Variants in STOX2 observed in about 807,000 individuals in gnomAD.
STOX2 encodes storkhead-box protein 2.
Under a neutral mutation model 60.9 loss-of-function variants are expected in STOX2, and 28 were observed. The ratio of observed to expected loss-of-function variants is 0.46; its 90% CI spans 0.34 to 0.63. The LOEUF (loss-of-function observed/expected upper bound fraction) is 0.63, where lower values mean the gene tolerates loss of function less well. Ranked by LOEUF, STOX2 falls within the 30% of genes least tolerant of loss-of-function variation. The pLI is 0.01. For missense variants in STOX2, 1,024 were observed against 1,187.7 expected (o/e 0.86, Z 2.03); for synonymous variants, 472 against 463.9 (o/e 1.02, Z -0.22).
chr4:183,798,194 G>C, intron 1 of STOX2: 8 of 819,984 alleles, frequency 9.8e-6, no homozygotes, highest in Non-Finnish European at 1.3e-5. Flanking sequence ...TCCCTGCCGG[G>C]GGAGGAGCCG....
At chr4:183,847,439 T>C (rs539265144) in intron 1 of STOX2, among the ~76,000 whole-genome samples, 55 of 152,342 alleles carry the variant, frequency 3.6e-4, no homozygotes, top group Non-Finnish European at 6.0e-4. Context: ...CAAATGTTTA[T>C]TGGGTAGTCA....
At chr4:183,951,058 A>G (rs965980064) in intron 1 of STOX2, among the ~76,000 whole-genome samples, 4 of 151,722 alleles carry the variant, frequency 2.6e-5, no homozygotes, top group African/African-American at 9.7e-5. Flanking sequence ...TACTAAAAAT[A>G]CAAAAAAATT....
At chr4:184,007,015 C>CAAAAAAA (rs61393267) in intron 2 of STOX2, among the ~76,000 whole-genome samples, 9 of 52,776 alleles carry the variant, frequency 1.7e-4, no homozygotes, top group African/African-American at 6.8e-4. Context: ...GACTCTGTCT[C>CAAAAAAA]AAAAAAAAAA....
At chr4:183,864,085 CCTAGAGTT>C (rs1195590762) in intron 1 of STOX2, among the ~76,000 whole-genome samples, 2 of 152,004 alleles carry the variant, frequency 1.3e-5, no homozygotes, top group Non-Finnish European at 2.9e-5. Flanking sequence ...GTCTGTATTG[CCTAGAGTT>C]CTGCATTTCC....
chr4:183,992,178 A>G (rs1456117940), intron 1 of STOX2, among the ~76,000 whole-genome samples: 1 of 152,216 alleles, frequency 6.6e-6, no homozygotes, highest in African/African-American at 2.4e-5. Context: ...GGTTGGTAGC[A>G]GTCAATCGGT....
rs570934834 is a variant in STOX2 at position 183,918,032 on chromosome 4, G to C, written c.166+11076G>C. ...AAGAACCTAATACATCTTTGCTACT[G>C]TTATTTCTTTTGGAACAGAACTATA... On this transcript the variant is annotated intron_variant, in intron 1 of 3. Transcript: ENST00000308497. 3.9e-5 allele frequency among the ~76,000 whole-genome samples: 6 copies of C among 152,298 alleles called. 1 individual carries two copies. The South Asian group carries it at 1.2e-3, about 32-fold the overall frequency.
At chr4:183,900,562 G>A (rs192310112), upstream of STOX2, among the ~76,000 whole-genome samples, 380 of 152,242 alleles carry the variant, frequency 2.5e-3, 1 homozygote, top group African/African-American at 8.6e-3. Flanking sequence ...TGAATGTTCC[G>A]TATACTAGAG....
rs568182210 is a variant in STOX2 at position 183,972,112 on chromosome 4, G to A, written c.167-29213G>A. Among the ~76,000 whole-genome samples the A allele has an allele frequency of 3.3e-5, 5 of 152,316 alleles. No homozygotes were observed. In the South Asian group the frequency reaches 1.0e-3, roughly 32 times the overall value. Reference sequence around the variant, plus strand: ...TCATTCTCTCCCTTCCCAACCCATAGCCAGTCCTGCACAGCGGCGTAGGGC... The same window carrying A: ...TCATTCTCTCCCTTCCCAACCCATAACCAGTCCTGCACAGCGGCGTAGGGC... On this transcript the variant is annotated intron_variant, in intron 1 of 3. Transcript: ENST00000308497.
intron 1 of STOX2, among the ~76,000 whole-genome samples, chr4:183,980,201 A>G (rs1732601009): frequency 6.6e-6 from 1 of 152,162 alleles, no homozygotes; most frequent in African/African-American, 2.4e-5. Context: ...TCCAACTTCC[A>G]TGAGGTGATA....
At chr4:183,947,491 A>G (rs970692059) in intron 1 of STOX2, among the ~76,000 whole-genome samples, 3 of 151,690 alleles carry the variant, frequency 2.0e-5, no homozygotes, top group African/African-American at 7.3e-5. Context: ...TCTACACAGA[A>G]CTCCACTTTT....
intron 1 of STOX2, among the ~76,000 whole-genome samples, chr4:183,845,931 T>C (rs1173606956): frequency 6.6e-6 from 1 of 152,254 alleles, no homozygotes; most frequent in Non-Finnish European, 1.5e-5. Context: ...TCTTCGTGCA[T>C]ATTGAATTAT....
chr4:183,995,400 A>T (rs1158541093), intron 1 of STOX2, among the ~76,000 whole-genome samples: 1 of 145,002 alleles, frequency 6.9e-6, no homozygotes, highest in African/African-American at 2.6e-5. Flanking sequence ...AGGCATTCAG[A>T]TATTTCTTGA....
At chr4:183,951,595 C>G (rs953777081) in intron 1 of STOX2, among the ~76,000 whole-genome samples, 1 of 150,846 alleles carries the variant, frequency 6.6e-6, no homozygotes. Flanking sequence ...GGATTACAGG[C>G]GTGAGCCGCT....
intron 1 of STOX2, among the ~76,000 whole-genome samples, chr4:183,911,911 G>A (rs923469498): frequency 6.6e-6 from 1 of 152,304 alleles, no homozygotes; most frequent in Admixed American, 6.5e-5. Flanking sequence ...CTTCTAGTTT[G>A]TGAGAGTATA....
chr4:183,936,490 G>A (rs1742596247), intron 1 of STOX2, among the ~76,000 whole-genome samples: 2 of 151,268 alleles, frequency 1.3e-5, no homozygotes, highest in South Asian at 4.2e-4. Context: ...AGGCCTGATA[G>A]TATCTTTTTT....
rs189043743 is a variant in STOX2 at position 183,850,275 on chromosome 4, C to T, written c.364+52220C>T. Among the ~76,000 whole-genome samples the T allele has an allele frequency of 1.2e-3, 175 of 151,820 alleles. 3 individuals are homozygous for T. The South Asian group carries it at 0.022, about 20-fold the overall frequency. On this transcript the variant is annotated intron_variant, in intron 1 of 2. Coordinates refer to the STOX2 transcript ENST00000513034. ...GGCATGAGCCACCACACCCAGCCTG[C>T]ATTTTCTTAAATGCTCAAAAAGTTT...
intron 1 of STOX2, among the ~76,000 whole-genome samples, chr4:183,889,916 A>G (rs1741167460): frequency 6.6e-6 from 1 of 152,226 alleles, no homozygotes; most frequent in South Asian, 2.1e-4. Flanking sequence ...TTAAGGGATT[A>G]CTGCTGTTTA....
intron 1 of STOX2, among the ~76,000 whole-genome samples, chr4:183,949,009 G>A (rs1742988132): frequency 6.6e-6 from 1 of 152,050 alleles, no homozygotes; most frequent in African/African-American, 2.4e-5. Context: ...AATTCCTGGA[G>A]ACTATAAGAA....
At chr4:183,834,881 A>G (rs1739664541) in intron 1 of STOX2, among the ~76,000 whole-genome samples, 1 of 152,178 alleles carries the variant, frequency 6.6e-6, no homozygotes, top group Admixed American at 6.5e-5. Flanking sequence ...AATCTTTGTG[A>G]TCCAAGGTTA....
Sources: allele counts gnomAD v4.1 joint callset (sites outside exome capture counted in the v4.1 genomes callset), GRCh38; gene constraint gnomAD v4.1.1; transcripts MANE v1.5; gene names NCBI Gene and HGNC (gene_info 2026-07-23, HGNC 2026-07-21).